The following ZYG11B variants were observed in gnomAD, a reference collection of about 807,000 sequenced individuals.
ZYG11B encodes the protein protein zyg-11 homolog B.
In ZYG11B, 36 loss-of-function variants were observed where a neutral mutation model predicts 82.4. That is an observed-to-expected ratio of 0.44 (90% confidence interval 0.33 to 0.58). The LOEUF is 0.58. Among genes scored for constraint, ZYG11B ranks in the 20% least tolerant of loss-of-function variants. The pLI is 0.02. For synonymous variants in ZYG11B, 303 were observed against 312.8 expected (o/e 0.97, Z 0.33); for missense variants, 552 against 895.6 (o/e 0.62, Z 4.90).
Position 52,762,432 on chromosome 1 carries a change from C to T in ZYG11B, c.196+5809C>T, listed in dbSNP as rs149526712. ...CCATGGTTCCCAGGCTGGTCTTGAACTCTTGAACTCAAGTGATCCTCTTGC... is the reference window on the plus strand; with the variant it reads ...CCATGGTTCCCAGGCTGGTCTTGAATTCTTGAACTCAAGTGATCCTCTTGC... On this transcript the variant is annotated intron_variant, in intron 2 of 13. Transcript: ENST00000294353. Among the ~76,000 whole-genome samples the T allele has an allele frequency of 2.7e-3, 405 of 152,148 alleles. 1 individual carries two copies. The highest frequency in any genetic ancestry group is 4.2e-3 in the Non-Finnish European group (285 of 67,998).
At chr1:52,814,539 CA>C (rs766701333) in intron 12 of ZYG11B, among the ~76,000 whole-genome samples, 7 of 152,088 alleles carry the variant, frequency 4.6e-5, no homozygotes, top group South Asian at 2.1e-4. Context: ...ACCGTTATGC[CA>C]AATGTCCATA....
chr1:52,809,081 C>T (rs940287579), intron 10 of ZYG11B, among the ~76,000 whole-genome samples: 3 of 151,956 alleles, frequency 2.0e-5, no homozygotes, highest in Admixed American at 6.6e-5. Flanking sequence ...AGTGATTATT[C>T]TCCTCATTAT....
At chr1:52,762,112 G>A (rs997596606) in intron 2 of ZYG11B, among the ~76,000 whole-genome samples, 5 of 134,440 alleles carry the variant, frequency 3.7e-5, no homozygotes, top group Non-Finnish European at 8.3e-5. Flanking sequence ...CATTCTGTAG[G>A]TTGTCTTTCC....
intron 8 of ZYG11B, among the ~76,000 whole-genome samples, chr1:52,801,595 G>C (rs1456291871): frequency 1.3e-5 from 2 of 152,038 alleles, no homozygotes; most frequent in African/African-American, 4.8e-5. Context: ...ATTTATGGGT[G>C]ATTACATTAT....
chr1:52,809,379 A>G (rs925835378), intron 10 of ZYG11B, among the ~76,000 whole-genome samples: 4 of 152,078 alleles, frequency 2.6e-5, no homozygotes, highest in Non-Finnish European at 4.4e-5. Flanking sequence ...TTCTGTCTCT[A>G]TGATTTTAAC....
chr1:52,818,874 A>G (rs1645257221), intron 13 of ZYG11B, among the ~76,000 whole-genome samples: 1 of 151,296 alleles, frequency 6.6e-6, no homozygotes, highest in African/African-American at 2.4e-5. Context: ...GCTCACCACA[A>G]CCTACACCTC....
rs1219599270 is a variant in ZYG11B, at chr1:52,803,149, TATATACAC to T, written c.1695+1016_1695+1023del. On this transcript the variant is annotated intron_variant, in intron 10 of 13. Coordinates refer to ENST00000294353, the MANE Select transcript of ZYG11B (RefSeq NM_024646.3). ...ATATATATATACACACATATATATATATATACACATATATATATACACACATATATATA... is the reference window on the plus strand; with the variant it reads ...ATATATATATACACACATATATATATATATATATATACACACATATATATA... Among the ~76,000 whole-genome samples, 44 of 69,710 alleles carry T rather than the reference TATATACAC, an allele frequency of 6.3e-4. 3 individuals are homozygous for T. The highest frequency in any genetic ancestry group is 3.0e-3 in the African/African-American group (38 of 12,508). The allele number at this position is 69,710 out of a possible 152,430, so 45.7% of individuals were successfully genotyped here.
chr1:52,806,962 G>A (rs1234443245), intron 10 of ZYG11B, among the ~76,000 whole-genome samples: 2 of 151,680 alleles, frequency 1.3e-5, no homozygotes, highest in Middle Eastern at 3.4e-3. Context: ...TCCACCTCCC[G>A]GGTTCAAGTG....
chr1:52,813,279 G>A lies in ZYG11B; in HGVS notation c.1696-257G>A, dbSNP rs80209085. 2.9e-3 allele frequency among the ~76,000 whole-genome samples: 434 copies of A among 152,178 alleles called. 3 individuals carry two copies. The highest frequency in any genetic ancestry group is 0.01 in the African/African-American group (419 of 41,508). ...TGAGTGTGGAGCTTTGTCCTTTCCAGCACTCTGTTCTACAGAGTTTTGCTG... is the reference window on the plus strand; with the variant it reads ...TGAGTGTGGAGCTTTGTCCTTTCCAACACTCTGTTCTACAGAGTTTTGCTG... On this transcript the variant is annotated intron_variant, in intron 10 of 13. Transcript: ENST00000294353.
rs796639096 is a variant in ZYG11B, at chr1:52,803,103, T to C, written c.1695+964T>C. Among the ~76,000 whole-genome samples, 23 of 79,696 alleles carry C rather than the reference T, an allele frequency of 2.9e-4. 2 individuals carry two copies. The highest frequency in any genetic ancestry group is 2.4e-3 in the African/African-American group (19 of 7,834). 52.3% of individuals were successfully genotyped at this position (79,696 alleles called of 152,430 possible). ...ATATATACACATATATATATACATA[T>C]ATATATATATATATACACACATATA... On this transcript the variant is annotated intron_variant, in intron 10 of 13. Coordinates refer to ENST00000294353, the MANE Select transcript of ZYG11B (RefSeq NM_024646.3).
chr1:52,762,459 T>C (rs1042469323), intron 2 of ZYG11B, among the ~76,000 whole-genome samples: 2 of 152,244 alleles, frequency 1.3e-5, no homozygotes, highest in East Asian at 3.9e-4. Context: ...TCCTCTTGCC[T>C]CGGCCTCCCA....
rs1021346847 is a variant in ZYG11B at position 52,807,825 on chromosome 1, C to G, written c.1695+5686C>G. 1.3e-5 allele frequency among the ~76,000 whole-genome samples: 2 copies of G among 152,118 alleles called. 1 individual carries two copies. Among genetic ancestry groups the G allele is most frequent in the Non-Finnish European group, 2.9e-5 (2 of 68,006 alleles). ...CTTCAACCTAAAAGACATCCTTTAA[C>G]ATTTCTTACAGTGTGGATCTGCTGA... On this transcript the variant is annotated intron_variant, in intron 10 of 13. Coordinates refer to ENST00000294353, the MANE Select transcript of ZYG11B (RefSeq NM_024646.3).
chr1:52,780,019 A>C, intron 4 of ZYG11B, 26 bp downstream of exon 4: 1 of 1,600,912 alleles, frequency 6.2e-7, no homozygotes, highest in Non-Finnish European at 8.5e-7. Flanking sequence ...TGGATATGAA[A>C]TTTTTGAAAT....
chr1:52,736,267 T>C (rs984384637), intron 1 of ZYG11B, among the ~76,000 whole-genome samples: 1 of 127,028 alleles, frequency 7.9e-6, no homozygotes, highest in Non-Finnish European at 1.6e-5. Flanking sequence ...AGTTGTTGAA[T>C]GAAAGTGTTT....
intron 1 of ZYG11B, among the ~76,000 whole-genome samples, chr1:52,728,452 C>T (rs1177489327): frequency 6.6e-6 from 1 of 152,176 alleles, no homozygotes; most frequent in African/African-American, 2.4e-5. Context: ...GAAATGGAGT[C>T]TTGCTGTGTT....
rs1352149693 is a variant in ZYG11B, at chr1:52,821,136, T to TA, written c.2045-302dup. On this transcript the variant is annotated intron_variant, in intron 13 of 13. Coordinates refer to ENST00000294353, the MANE Select transcript of ZYG11B (RefSeq NM_024646.3). ...AAATGCATAAAAATATAACAACACT[T>TA]ACCTGTGATTTTGGGTCAAAGATAA... 2.6e-5 allele frequency among the ~76,000 whole-genome samples: 4 copies of TA among 152,138 alleles called. No homozygotes were observed. The East Asian group carries it at 7.7e-4, about 29-fold the overall frequency.
chr1:52,735,007 G>C (rs866702823), intron 1 of ZYG11B, among the ~76,000 whole-genome samples: 3 of 151,046 alleles, frequency 2.0e-5, no homozygotes, highest in African/African-American at 7.3e-5. Flanking sequence ...GGGATTACAG[G>C]TATGAGCCAC....
chr1:52,816,530 A>G lies in ZYG11B; in HGVS notation c.1947-2A>G. 6.2e-7 allele frequency: 1 copy of G among 1,601,510 alleles called. No homozygotes were observed. The highest frequency in any genetic ancestry group is 8.5e-7 in the Non-Finnish European group (1 of 1,171,848). ...TTTGATTCTTTTCTTTTGAACCTTT[A>G]GGTCCTTTAATCCATTTTTCCCATT... On this transcript the variant is annotated splice_acceptor_variant, in intron 12 of 13. Transcript: ENST00000294353. LOFTEE classifies it high-confidence loss of function.
intron 3 of ZYG11B, chr1:52,772,638 A>G (rs1644763717): frequency 5.3e-6 from 5 of 939,252 alleles, no homozygotes; most frequent in African/African-American, 4.9e-5. Flanking sequence ...AGGAGCACGC[A>G]TACGACCCAT....
Sources: gnomAD v4.1 joint callset for allele counts (sites outside exome capture counted in the v4.1 genomes callset) on GRCh38, gnomAD v4.1.1 for gene constraint, MANE v1.5 for transcripts, NCBI Gene and HGNC (gene_info 2026-07-23, HGNC 2026-07-21) for gene names.